The following ASCC1 variants were observed in gnomAD, a reference collection of about 807,000 sequenced individuals.
ASCC1 encodes ASC-1 complex subunit P50.
A neutral mutation model predicts 46.6 loss-of-function variants in ASCC1; 35 were observed. That is an observed-to-expected ratio of 0.75 (90% confidence interval 0.57 to 0.99). The LOEUF (loss-of-function observed/expected upper bound fraction) is 0.99. Ranked by LOEUF, ASCC1 falls within the 50% of genes least tolerant of loss-of-function variation. The probability of loss-of-function intolerance (pLI) is 0.00; values close to 1 mark genes in which losing one functional copy is unlikely to be tolerated. For synonymous variants in ASCC1, 143 were observed against 146.6 expected, an observed-to-expected ratio of 0.98 and a Z score of 0.18; for missense variants, 376 against 428.7, an observed-to-expected ratio of 0.88 and a Z score of 1.09.
chr10:72,191,927 C>T (rs1854577075), intron 5 of ASCC1, among the ~76,000 whole-genome samples: 1 of 151,664 alleles, frequency 6.6e-6, no homozygotes, highest in African/African-American at 2.4e-5. Flanking sequence ...GGATCACAGG[C>T]ATGAACCACC....
chr10:72,176,671 A>G (rs1851893895), intron 5 of ASCC1, among the ~76,000 whole-genome samples: 1 of 152,102 alleles, frequency 6.6e-6, no homozygotes, highest in Non-Finnish European at 1.5e-5. Flanking sequence ...TCTCTATAGG[A>G]TATTACATTC....
chr10:72,187,986 C>T (rs1405459924), intron 5 of ASCC1, among the ~76,000 whole-genome samples: 4 of 151,814 alleles, frequency 2.6e-5, no homozygotes, highest in African/African-American at 9.7e-5. Context: ...TTTTACAATT[C>T]TACACTAAGC....
At chr10:72,198,724 C>A in intron 4 of ASCC1, 2 of 455,632 alleles carry the variant, frequency 4.4e-6, no homozygotes, top group Non-Finnish European at 8.8e-6. Flanking sequence ...ACGAATGCAA[C>A]TGCAGACTTG....
At chr10:72,099,355 A>G (rs145338256) in intron 9 of ASCC1, among the ~76,000 whole-genome samples, 15 of 152,362 alleles carry the variant, frequency 9.8e-5, no homozygotes, top group Non-Finnish European at 1.9e-4. Flanking sequence ...ATTGAGAGAG[A>G]TAACTAAACA....
intron 6 of ASCC1, chr10:72,158,918 C>T (rs899342468): frequency 4.6e-5 from 7 of 152,068 alleles, no homozygotes; most frequent in African/African-American, 1.2e-4. Flanking sequence ...AGAAAAAATT[C>T]GATGATCCAA....
At chr10:72,131,376 G>A (rs538598289) in intron 8 of ASCC1, among the ~76,000 whole-genome samples, 8 of 151,660 alleles carry the variant, frequency 5.3e-5, no homozygotes, top group African/African-American at 9.7e-5. Context: ...CTGAGATGGC[G>A]CCACTGCACA....
chr10:72,215,635 G>A (rs992611371), intron 1 of ASCC1: 2 of 152,188 alleles, frequency 1.3e-5, no homozygotes, highest in Non-Finnish European at 1.5e-5. Context: ...CACAAAAACA[G>A]ACTAAGATGA....
chr10:72,122,078 A>G (rs1289985367), intron 9 of ASCC1, among the ~76,000 whole-genome samples: 1 of 152,244 alleles, frequency 6.6e-6, no homozygotes, highest in Non-Finnish European at 1.5e-5. Flanking sequence ...ATTAAACTTG[A>G]AAGTGATAAC....
At chr10:72,212,134 A>G (rs1394801647) in intron 2 of ASCC1, 1 of 156,746 alleles carries the variant, frequency 6.4e-6, no homozygotes, top group Admixed American at 6.6e-5. Flanking sequence ...CAGAGAGCCC[A>G]AATCACTATC....
At chr10:72,203,872 A>G (rs1399276731) in intron 3 of ASCC1, among the ~76,000 whole-genome samples, 2 of 152,126 alleles carry the variant, frequency 1.3e-5, no homozygotes, top group Non-Finnish European at 2.9e-5. Flanking sequence ...AATCCCTGCT[A>G]CTCAAAAGAC....
chr10:72,215,564 C>T (rs1322157598), intron 1 of ASCC1, among the ~76,000 whole-genome samples: 5 of 152,064 alleles, frequency 3.3e-5, no homozygotes, highest in Non-Finnish European at 7.4e-5. Flanking sequence ...TTCCCCGAGG[C>T]CTCTAAAGTT....
At chr10:72,205,957 A>T (rs1857146401) in intron 3 of ASCC1, among the ~76,000 whole-genome samples, 1 of 151,626 alleles carries the variant, frequency 6.6e-6, no homozygotes, top group Non-Finnish European at 1.5e-5. Context: ...TACAAAAATT[A>T]CCCAGGCATG....
At chr10:72,216,866 G>GGTGC (rs1365558056), upstream of ASCC1, 1 of 456,068 alleles carries the variant, frequency 2.2e-6, no homozygotes. Flanking sequence ...GTATTTGTTT[G>GGTGC]ACAAAATTTT....
intron 5 of ASCC1, among the ~76,000 whole-genome samples, chr10:72,185,966 C>T (rs1853393051): frequency 6.6e-6 from 1 of 152,096 alleles, no homozygotes; most frequent in Admixed American, 6.6e-5. Context: ...TGTACAGATG[C>T]TCACTGCAGT....
chr10:72,152,209 T>C (rs1461735729), intron 7 of ASCC1, among the ~76,000 whole-genome samples: 2 of 149,884 alleles, frequency 1.3e-5, no homozygotes, highest in African/African-American at 4.9e-5. Context: ...TTTTTTTGTA[T>C]AGAGAGAGTT....
chr10:72,107,589 T>C (rs529287779), intron 9 of ASCC1, among the ~76,000 whole-genome samples: 1 of 152,358 alleles, frequency 6.6e-6, no homozygotes, highest in South Asian at 2.1e-4. Flanking sequence ...AAGAATGTAA[T>C]TGAGTCTGTT....
chr10:72,204,643 T>TG (rs1320791901), intron 3 of ASCC1: 1 of 1,173,590 alleles, frequency 8.5e-7, no homozygotes, highest in African/African-American at 1.6e-5. Context: ...ATTCTACGGA[T>TG]GACTATGTCT....
At chr10:72,155,708 A>C (rs896846339) in intron 6 of ASCC1, among the ~76,000 whole-genome samples, 3 of 152,200 alleles carry the variant, frequency 2.0e-5, no homozygotes, top group Non-Finnish European at 4.4e-5. Context: ...TGTTAAGTAA[A>C]ACCCCACCAT....
At chr10:72,159,723 A>G (rs948756258) in intron 6 of ASCC1, among the ~76,000 whole-genome samples, 3 of 152,120 alleles carry the variant, frequency 2.0e-5, no homozygotes, top group Admixed American at 6.5e-5. Flanking sequence ...GAGAAAACAG[A>G]TATGTCCGTT....
Sources: gnomAD v4.1 joint callset for allele counts (sites outside exome capture counted in the v4.1 genomes callset) on GRCh38, gnomAD v4.1.1 for gene constraint, MANE v1.5 for transcripts, NCBI Gene and HGNC (gene_info 2026-07-23, HGNC 2026-07-21) for gene names.